UGT2B11: variants seen among roughly 807,000 people sequenced by gnomAD.
The protein encoded by UGT2B11 is UDP glucuronosyltransferase family 2 member B11.
UGT2B11 carries 49 observed loss-of-function variants against 51.7 expected under a neutral mutation model. That is an observed-to-expected ratio of 0.95 (90% CI 0.75 to 1.20). The LOEUF (loss-of-function observed/expected upper bound fraction) is 1.20, where lower values mean the gene tolerates loss of function less well. UGT2B11 is among the 50% of genes most tolerant of loss of function. The pLI is 0.00. For missense variants in UGT2B11, 810 were observed against 622.1 expected (o/e 1.30, Z -3.21); for synonymous variants, 273 against 209.0 (o/e 1.31, Z -2.64).
chr4:69,200,991 G>T (rs1721638296), intron 5 of UGT2B11, among the ~76,000 whole-genome samples: 1 of 148,020 alleles, frequency 6.8e-6, no homozygotes, highest in Non-Finnish European at 1.5e-5. Context: ...ATTTTAACTG[G>T]CTTTTAATTG....
chr4:69,205,330 T>C, intron 4 of UGT2B11, 150 bp downstream of exon 4: 1 of 1,040,712 alleles, frequency 9.6e-7, no homozygotes, highest in African/African-American at 1.7e-5. Flanking sequence ...ATGCCAACAA[T>C]TCTACCATAT....
intron 1 of UGT2B11, among the ~76,000 whole-genome samples, 169 bp from the exon 2 acceptor site, chr4:69,212,890 C>G (rs1469173937): frequency 1.3e-5 from 2 of 150,432 alleles, no homozygotes; most frequent in African/African-American, 2.4e-5. Context: ...TATATTTTGT[C>G]CATGTTTATT....
upstream of UGT2B11, chr4:69,216,893 A>G (rs1429779734): frequency 8.5e-5 from 13 of 152,094 alleles, no homozygotes; most frequent in South Asian, 6.2e-4. Flanking sequence ...TGTGTCAACA[A>G]TGAGGCAGGG....
chr4:69,217,495 C>G (rs531219696), upstream of UGT2B11, among the ~76,000 whole-genome samples: 23 of 152,154 alleles, frequency 1.5e-4, no homozygotes, highest in East Asian at 3.1e-3. Context: ...TGGGAATATA[C>G]AAATTACTTT....
At position 69,213,308 on chromosome 4, in the gene UGT2B11, A is replaced by G. The variant is rs1305085767; in HGVS notation, c.722-587T>C. Reference sequence around the variant, plus strand: ...AGAAATTTTGAGAAATTATTGAAATAGAGAACTGTACTCAACCTTAATCTG... The same window carrying G: ...AGAAATTTTGAGAAATTATTGAAATGGAGAACTGTACTCAACCTTAATCTG... On this transcript the variant is annotated intron_variant, in intron 1 of 5. Coordinates refer to ENST00000446444, the MANE Select transcript of UGT2B11 (RefSeq NM_001073.3). Among the ~76,000 whole-genome samples, 3 of 151,802 alleles carry G rather than the reference A, an allele frequency of 2.0e-5. No individual in the cohort carries two copies. The East Asian group carries it at 5.8e-4, about 29-fold the overall frequency.
At chr4:69,212,818 G>A (rs975966353) in intron 1 of UGT2B11, 97 bp from the exon 2 acceptor site, 1 of 1,369,492 alleles carries the variant, frequency 7.3e-7, no homozygotes, top group Non-Finnish European at 9.6e-7. Context: ...AAAGATGTAG[G>A]TAAAGTTTAT....
At chr4:69,205,756 A>G (rs1404901308) in intron 3 of UGT2B11, 189 bp from the exon 4 acceptor site, 29 of 631,374 alleles carry the variant, frequency 4.6e-5, no homozygotes, top group African/African-American at 1.3e-4. Flanking sequence ...ATAAGAAACC[A>G]TGATTTTCCA....
At chr4:69,208,200 T>G (rs555135616) in intron 3 of UGT2B11, 151 bp downstream of exon 3, 84 of 1,466,620 alleles carry the variant, frequency 5.7e-5, no homozygotes, top group Admixed American at 2.5e-4. Flanking sequence ...GCACAACTAT[T>G]ACTTGTGTTG....
chr4:69,210,147 A>G (rs1448886149), intron 2 of UGT2B11, among the ~76,000 whole-genome samples: 1 of 151,488 alleles, frequency 6.6e-6, no homozygotes, highest in Non-Finnish European at 1.5e-5. Context: ...TATTTGTACT[A>G]TGGCTGATGG....
chr4:69,223,285 C>T, the UGT2B11 span, among the ~76,000 whole-genome samples: 3 of 151,916 alleles, frequency 2.0e-5, no homozygotes, highest in Non-Finnish European at 2.9e-5. Flanking sequence ...CGGTTTGGTG[C>T]CCATCTGGAA....
chr4:69,204,669 A>C lies in UGT2B11; in HGVS notation c.1091-20T>G. 6.2e-7 allele frequency: 1 copy of C among 1,610,830 alleles called. No homozygotes were observed. Among genetic ancestry groups the C allele is most frequent in the Non-Finnish European group, 8.5e-7 (1 of 1,178,090 alleles). On this transcript the variant is annotated intron_variant, in intron 4 of 5. Transcript: ENST00000446444. Reference sequence around the variant, plus strand: ...GATGACCTAGGATTGGATGAATTTTAGCAAAATTATTCATAGGAATAAAAT... The same window carrying C: ...GATGACCTAGGATTGGATGAATTTTCGCAAAATTATTCATAGGAATAAAAT...
chr4:69,216,996 A>G (rs1722290705), upstream of UGT2B11, among the ~76,000 whole-genome samples: 1 of 152,066 alleles, frequency 6.6e-6, no homozygotes, highest in Non-Finnish European at 1.5e-5. Context: ...GCATCATTTC[A>G]TGTTTCCTGA....
At chr4:69,204,228 T>A (rs1721763856) in intron 5 of UGT2B11, 1 of 656,294 alleles carries the variant, frequency 1.5e-6, no homozygotes, top group Non-Finnish European at 2.3e-6. Flanking sequence ...ATTGCTTCAC[T>A]AACTGGTTAC....
intron 3 of UGT2B11, among the ~76,000 whole-genome samples, chr4:69,207,473 A>G (rs1343314593): frequency 3.3e-5 from 5 of 151,588 alleles, no homozygotes; most frequent in African/African-American, 1.2e-4. Flanking sequence ...TATTCCTACT[A>G]TGTTCTATGG....
In UGT2B11 at chr4:69,208,461, T is replaced by C. The variant is rs755044547; in HGVS notation, c.892A>G (p.Ser298Gly). The change falls in exon 3 of 6, where the codon AGC (serine) becomes GGC (glycine). Residue 298 changes from serine to glycine, a missense_variant. Coordinates refer to ENST00000446444, the MANE Select transcript of UGT2B11 (RefSeq NM_001073.3). Reference sequence around the variant, plus strand: ...ACCACAACACCATTTTCTCCAGAGCTCTGTACAAACTCCTCCATTTCCTGT... The same window carrying C: ...ACCACAACACCATTTTCTCCAGAGCCCTGTACAAACTCCTCCATTTCCTGT... ...LPKEMEEFVQ[S>G]SGENGVVVFS... The C allele has an allele frequency of 6.8e-6, 11 of 1,609,050 alleles. No individual in the cohort carries two copies. Among genetic ancestry groups the C allele is most frequent in the African/African-American group, 2.7e-5 (2 of 74,428 alleles).
the UGT2B11 span, among the ~76,000 whole-genome samples, chr4:69,223,688 G>A: frequency 6.6e-6 from 1 of 152,126 alleles, no homozygotes; most frequent in East Asian, 1.9e-4. Flanking sequence ...AAGCTTAAAG[G>A]GGGTGGTGGA....
upstream of UGT2B11, chr4:69,215,897 T>C (rs1722259188): frequency 6.6e-6 from 1 of 152,162 alleles, no homozygotes; most frequent in Non-Finnish European, 1.5e-5. Flanking sequence ...ATAAATTAAA[T>C]AATAACTTAC....
chr4:69,216,928 A>G (rs189766900), upstream of UGT2B11, among the ~76,000 whole-genome samples: 1,893 of 152,156 alleles, frequency 0.012, 34 homozygotes, highest in African/African-American at 0.043. Context: ...TATTTATCTT[A>G]ACATTCTCAA....
In UGT2B11 at chr4:69,213,997, C is replaced by A. The variant is rs1217047432; in HGVS notation, c.721+5G>T. The A allele has an allele frequency of 1.3e-6, 2 of 1,552,182 alleles. No homozygotes were observed. Among genetic ancestry groups the A allele is most frequent in the African/African-American group, 1.4e-5 (1 of 72,776 alleles). ...CTTCACGTTACCGATTAAACAAATT[C>A]TTACCTAAAACTTCACTGTAAAACT... On this transcript the variant is annotated splice_donor_5th_base_variant and intron_variant, in intron 1 of 5. Coordinates refer to ENST00000446444, the MANE Select transcript of UGT2B11 (RefSeq NM_001073.3).
Sources: allele counts gnomAD v4.1 joint callset (sites outside exome capture counted in the v4.1 genomes callset), GRCh38; gene constraint gnomAD v4.1.1; transcripts MANE v1.5; gene names NCBI Gene and HGNC (gene_info 2026-07-23, HGNC 2026-07-21).